The following ITSN1 variants were observed in gnomAD, a reference collection of about 807,000 sequenced individuals.
The protein encoded by ITSN1 is intersectin 1, also known as intersectin-1.
Under a neutral mutation model 239.8 loss-of-function variants are expected in ITSN1, and 58 were observed. The observed-to-expected ratio is 0.24, with a 90% confidence interval of 0.20 to 0.30. ITSN1 has a LOEUF of 0.30. ITSN1 is among the 10% of genes least tolerant of loss of function. ITSN1 has a pLI of 1.00. For synonymous variants in ITSN1, 780 were observed against 770.8 expected, an observed-to-expected ratio of 1.01 and a Z score of -0.20; for missense variants, 1,558 against 2,103.3, an observed-to-expected ratio of 0.74 and a Z score of 5.07.
At chr21:33,664,127 T>C (rs79861515) in intron 1 of ITSN1, among the ~76,000 whole-genome samples, 6,743 of 152,242 alleles carry the variant, frequency 0.044, 503 homozygotes, top group African/African-American at 0.16. Context: ...TAATAGAATA[T>C]CTGAGGCTGG....
chr21:33,785,097 AT>A (rs1172333656), intron 16 of ITSN1, among the ~76,000 whole-genome samples: 3 of 152,186 alleles, frequency 2.0e-5, no homozygotes, highest in African/African-American at 7.2e-5. Context: ...GTTCACGTAG[AT>A]TGTTCACCTG....
At chr21:33,703,152 AAAG>A (rs1265058116) in intron 1 of ITSN1, among the ~76,000 whole-genome samples, 5 of 150,076 alleles carry the variant, frequency 3.3e-5, no homozygotes, top group African/African-American at 1.2e-4. Flanking sequence ...GTATATATAT[AAAG>A]AAAGAATATA....
At chr21:33,828,475 C>A (rs1463666716) in intron 26 of ITSN1, among the ~76,000 whole-genome samples, 1 of 152,212 alleles carries the variant, frequency 6.6e-6, no homozygotes, top group African/African-American at 2.4e-5. Flanking sequence ...TGGTGGCCGA[C>A]CCCTGATAGC....
chr21:33,725,853 T>C (rs907832120), intron 4 of ITSN1, among the ~76,000 whole-genome samples: 3 of 152,218 alleles, frequency 2.0e-5, no homozygotes, highest in South Asian at 2.1e-4. Context: ...ACCACTGATA[T>C]CCTGCCCAGA....
Position 33,865,491 on chromosome 21 carries a change from G to A in ITSN1, c.4074+157G>A, listed in dbSNP as rs116603588. Reference sequence around the variant, plus strand: ...AAGCCTTAGGGGACTGGCACTCACTGGCAAGTGTGGCTGTCACCAAAGGGG... The same window carrying A: ...AAGCCTTAGGGGACTGGCACTCACTAGCAAGTGTGGCTGTCACCAAAGGGG... On this transcript the variant is annotated intron_variant, in intron 32 of 39. Transcript: ENST00000381318. This position sits in a 1 kb window ranked among gnomAD's most constrained non-coding sequence, Gnocchi z 4.4. Among the ~76,000 whole-genome samples, 1,369 of 152,346 alleles carry A rather than the reference G, an allele frequency of 9.0e-3. 21 individuals are homozygous for A. Among genetic ancestry groups the A allele is most frequent in the African/African-American group, 0.031 (1,298 of 41,578 alleles).
chr21:33,672,731 G>C (rs76621808), intron 1 of ITSN1, among the ~76,000 whole-genome samples: 6 of 107,428 alleles, frequency 5.6e-5, no homozygotes, highest in African/African-American at 1.7e-4. Flanking sequence ...TTTTTTTTTT[G>C]AGACGGAGTC....
At chr21:33,846,683 G>T (rs75821415) in intron 29 of ITSN1, among the ~76,000 whole-genome samples, 8,250 of 152,268 alleles carry the variant, frequency 0.054, 258 homozygotes, top group Middle Eastern at 0.088. Flanking sequence ...CCTGCCTGTT[G>T]TTCCACAGGC....
chr21:33,664,712 A>G (rs371420528), intron 1 of ITSN1, among the ~76,000 whole-genome samples: 89 of 152,320 alleles, frequency 5.8e-4, no homozygotes, highest in African/African-American at 2.1e-3. Flanking sequence ...GCAGTGCCTC[A>G]CTAAATAGTA....
intron 8 of ITSN1, among the ~76,000 whole-genome samples, chr21:33,758,487 T>A (rs2068074913): frequency 6.6e-6 from 1 of 152,224 alleles, no homozygotes; most frequent in African/African-American, 2.4e-5. Context: ...GACACCCTGT[T>A]CTTCCTTCAT....
Position 33,704,933 on chromosome 21 carries a change from A to C in ITSN1, c.-32-13864A>C, listed in dbSNP as rs1261503232. Among the ~76,000 whole-genome samples, 38 of 146,188 alleles carry C rather than the reference A, an allele frequency of 2.6e-4. 1 individual carries two copies. In the East Asian group the frequency reaches 7.4e-3, roughly 29 times the overall value. On this transcript the variant is annotated intron_variant, in intron 1 of 39. Transcript: ENST00000381318. ...GAAACCCATCTCTACTAAAAAAAAAAAAAAAAAAAAAAAATACAAACAAAA... is the reference window on the plus strand; with the variant it reads ...GAAACCCATCTCTACTAAAAAAAAACAAAAAAAAAAAAAATACAAACAAAA...
chr21:33,661,802 T>C (rs2089579180), intron 1 of ITSN1, among the ~76,000 whole-genome samples: 1 of 152,072 alleles, frequency 6.6e-6, no homozygotes, highest in Non-Finnish European at 1.5e-5. Context: ...GGCTCTCATT[T>C]CTCTCTTGTG....
At chr21:33,756,362 T>C (rs528650941) in intron 8 of ITSN1, among the ~76,000 whole-genome samples, 91 of 150,560 alleles carry the variant, frequency 6.0e-4, no homozygotes, top group African/African-American at 2.1e-3. Flanking sequence ...ACCTCTGATA[T>C]GAATATTAAA....
chr21:33,789,309 C>G (rs1449191490), intron 16 of ITSN1, among the ~76,000 whole-genome samples: 2 of 152,146 alleles, frequency 1.3e-5, no homozygotes, highest in Non-Finnish European at 2.9e-5. Context: ...CCTGAAATTT[C>G]TGATGCTGGT....
At chr21:33,837,946 C>T (rs2074684354) in intron 29 of ITSN1, 1 of 985,752 alleles carries the variant, frequency 1.0e-6, no homozygotes, top group Non-Finnish European at 1.2e-6. Flanking sequence ...AGTTTTATTC[C>T]AGTTACTTTT....
At chr21:33,667,466 C>G (rs1181392225) in intron 1 of ITSN1, among the ~76,000 whole-genome samples, 3 of 152,122 alleles carry the variant, frequency 2.0e-5, no homozygotes. Context: ...AGCCAAATGA[C>G]TCTTTTGGCT....
At chr21:33,763,501 T>C (rs1395345741) in intron 9 of ITSN1, among the ~76,000 whole-genome samples, 1 of 152,170 alleles carries the variant, frequency 6.6e-6, no homozygotes. Context: ...CACTGGATGC[T>C]AGATGCCAGT....
At chr21:33,826,788 T>C in intron 25 of ITSN1, 30 bp from the exon 26 acceptor site, 1 of 1,607,838 alleles carries the variant, frequency 6.2e-7, no homozygotes, top group South Asian at 1.1e-5. Context: ...AACTTCAGCA[T>C]GCAAATGAGA....
At chr21:33,763,082 A>G (rs948262741) in intron 9 of ITSN1, among the ~76,000 whole-genome samples, 8 of 152,020 alleles carry the variant, frequency 5.3e-5, no homozygotes, top group African/African-American at 1.7e-4. Flanking sequence ...GAATGTTTTT[A>G]TAGTTCATTT....
chr21:33,879,919 A>C (rs1040574536), intron 34 of ITSN1, among the ~76,000 whole-genome samples: 2 of 152,248 alleles, frequency 1.3e-5, no homozygotes, highest in African/African-American at 4.8e-5. Flanking sequence ...AACTCAGGTG[A>C]TCTGCCCACC....
Sources: gnomAD v4.1 joint callset for allele counts (sites outside exome capture counted in the v4.1 genomes callset) on GRCh38, gnomAD v4.1.1 for gene constraint, Gnocchi (gnomAD v3.1) non-coding constraint, MANE v1.5 for transcripts, NCBI Gene and HGNC (gene_info 2026-07-23, HGNC 2026-07-21) for gene names.